UGT1A3: variants seen among roughly 807,000 people sequenced by gnomAD.
UGT1A3 encodes UDP glucuronosyltransferase family 1 member A3, also known as UDP-glucuronosyltransferase 1A3.
In UGT1A3, 31 loss-of-function variants were observed where a neutral mutation model predicts 41.0. The ratio of observed to expected loss-of-function variants is 0.76; its 90% CI spans 0.57 to 1.02. UGT1A3 has a LOEUF of 1.02. UGT1A3 is among the 50% of genes least tolerant of loss of function. The probability of loss-of-function intolerance (pLI) is 0.00; values close to 1 mark genes in which losing one functional copy is unlikely to be tolerated. For missense variants in UGT1A3, 737 were observed against 671.0 expected (o/e 1.10, Z -1.09); for synonymous variants, 262 against 257.6 (o/e 1.02, Z -0.17).
At position 233,729,686 on chromosome 2, in the gene UGT1A3, G is replaced by A. The variant is rs1336517970; in HGVS notation, c.560G>A (p.Cys187Tyr). 2 of 1,613,912 alleles carry A rather than the reference G, an allele frequency of 1.2e-6. No individual in the cohort carries two copies. Among genetic ancestry groups the A allele is most frequent in the Admixed American group, 1.7e-5 (1 of 60,008 alleles). ...PCDLDFKGTQ[C>Y]PNPSSYIPRL... Reference sequence around the variant, plus strand: ...GATTTAGACTTTAAGGGCACACAGTGTCCAAACCCTTCCTCCTATATTCCT... The same window carrying A: ...GATTTAGACTTTAAGGGCACACAGTATCCAAACCCTTCCTCCTATATTCCT... The change falls in exon 1 of 5, where the codon TGT becomes TAT. Residue 187 changes from cysteine to tyrosine, a missense_variant. Physicochemically the swap from Cys to Tyr is radical, Grantham distance 194. Coordinates refer to ENST00000482026, the MANE Select transcript of UGT1A3 (RefSeq NM_019093.4).
chr2:233,756,501 T>C (rs1696241019), intron 1 of UGT1A3: 1 of 152,186 alleles, frequency 6.6e-6, no homozygotes, highest in Non-Finnish European at 1.5e-5. Flanking sequence ...CCCAAGTATA[T>C]GGAGGGTCAA....
intron 4 of UGT1A3, among the ~76,000 whole-genome samples, chr2:233,768,962 ATAATT>A (rs753324015): frequency 2.0e-5 from 3 of 152,200 alleles, no homozygotes; most frequent in Non-Finnish European, 4.4e-5. Flanking sequence ...AATTTATCAT[ATAATT>A]TATTTAGAAT....
chr2:233,742,497 T>C (rs1691999391), intron 1 of UGT1A3, among the ~76,000 whole-genome samples: 1 of 151,968 alleles, frequency 6.6e-6, no homozygotes, highest in Non-Finnish European at 1.5e-5. Flanking sequence ...ATAGGCATCA[T>C]GGCTATCATG....
chr2:233,743,938 A>T (rs754327674), intron 1 of UGT1A3: 2 of 1,356,166 alleles, frequency 1.5e-6, no homozygotes, highest in Admixed American at 1.9e-5. Context: ...AGAACGGCCC[A>T]CCAGGCACTG....
rs72551340 is a variant in UGT1A3, at chr2:233,760,509, C to A, written c.868-6525C>A. 17 of 1,614,154 alleles carry A rather than the reference C, an allele frequency of 1.1e-5. No homozygotes were observed. Among genetic ancestry groups the A allele is most frequent in the Non-Finnish European group, 4.2e-6 (5 of 1,180,060 alleles). ...TGTACATCAGAGACGGAGCATTTTA[C>A]ACCTTGAAGACGTACCCTGTGCCAT... is the stretch of plus-strand genomic sequence containing the variant. On this transcript the variant is annotated intron_variant, in intron 1 of 4. Transcript: ENST00000482026.
intron 1 of UGT1A3, chr2:233,761,093 T>G: frequency 6.2e-7 from 1 of 1,614,222 alleles, no homozygotes; most frequent in Non-Finnish European, 8.5e-7. Flanking sequence ...AGGCCCATCA[T>G]GCCCAATATG....
Position 233,731,284 on chromosome 2 carries a change from C to CTT in UGT1A3, c.867+1304_867+1305dup, listed in dbSNP as rs78127606. 2.2e-3 allele frequency among the ~76,000 whole-genome samples: 301 copies of CTT among 139,786 alleles called. 4 individuals are homozygous for CTT. Among genetic ancestry groups the CTT allele is most frequent in the African/African-American group, 6.8e-3 (261 of 38,534 alleles). 91.7% of individuals were successfully genotyped at this position (139,786 alleles called of 152,430 possible). A position where few individuals can be genotyped will look rare whatever the true frequency, so the allele number is the denominator to read the frequency against. On this transcript the variant is annotated intron_variant, in intron 1 of 4. Coordinates refer to ENST00000482026, the MANE Select transcript of UGT1A3 (RefSeq NM_019093.4). The stretch of plus-strand genomic sequence containing the variant: ...ACTGTTGCCCTTCCAGTTTTTCTTT[C>CTT]TTTTTTTTTTTTTTATTATACTTTA...
intron 4 of UGT1A3, 143 bp downstream of exon 4, chr2:233,768,582 CTTTTTTTTTTTT>C (rs139595073): frequency 1.3e-5 from 13 of 1,033,070 alleles, no homozygotes; most frequent in Admixed American, 4.7e-5. Context: ...TTTATTTCTT[CTTTTTTTTTTTT>C]TTTTTTTTTT....
chr2:233,747,477 T>G lies in UGT1A3; in HGVS notation c.867+17484T>G, dbSNP rs1368203969. 4 of 1,608,578 alleles carry G rather than the reference T, an allele frequency of 2.5e-6. No homozygotes were observed. In the Admixed American group the frequency reaches 6.7e-5, roughly 27 times the overall value. Reference sequence around the variant, plus strand: ...TGCCATTTCATGGACCCAGGATGAATTTGATCGCCTTGTGCTGGGCCACAC... The same window carrying G: ...TGCCATTTCATGGACCCAGGATGAAGTTGATCGCCTTGTGCTGGGCCACAC... On this transcript the variant is annotated intron_variant, in intron 1 of 4. Transcript: ENST00000482026.
At position 233,756,026 on chromosome 2, in the gene UGT1A3, C is replaced by A. The variant is rs573577160; in HGVS notation, c.868-11008C>A. The stretch of plus-strand genomic sequence containing the variant: ...TATCTATTGTGATATTACACATCCC[C>A]CATGTAGCTTCTGGAAAACTCCACT... On this transcript the variant is annotated intron_variant, in intron 1 of 4. Transcript: ENST00000482026. 66 of 152,322 alleles carry A rather than the reference C, an allele frequency of 4.3e-4. 1 individual carries two copies. The highest frequency in any genetic ancestry group is 1.5e-3 in the African/African-American group (63 of 41,570). The allele number at this position is 152,322 out of a possible 1,614,324, so 9.4% of individuals were successfully genotyped here. A position where few individuals can be genotyped will look rare whatever the true frequency, so the allele number is the denominator to read the frequency against.
At chr2:233,732,944 A>G (rs2078339479) in intron 1 of UGT1A3, among the ~76,000 whole-genome samples, 2 of 152,256 alleles carry the variant, frequency 1.3e-5, no homozygotes, top group Admixed American at 1.3e-4. Flanking sequence ...ATCCATGAGC[A>G]TGGAATGTTC....
intron 1 of UGT1A3, chr2:233,760,240 A>G (rs749913707): frequency 1.2e-6 from 2 of 1,607,210 alleles, no homozygotes; most frequent in South Asian, 2.2e-5. Context: ...TGCCATATAT[A>G]TATATATAAG....
chr2:233,746,855 T>A (rs1362666040), intron 1 of UGT1A3, among the ~76,000 whole-genome samples: 2 of 151,774 alleles, frequency 1.3e-5, no homozygotes, highest in Non-Finnish European at 2.9e-5. Flanking sequence ...AGACCTCAGC[T>A]GCAGCCTGAT....
chr2:233,737,458 C>G (rs1404187897), intron 1 of UGT1A3, among the ~76,000 whole-genome samples: 1 of 152,216 alleles, frequency 6.6e-6, no homozygotes, highest in Non-Finnish European at 1.5e-5. Context: ...CAGGTACAGT[C>G]TGTCATGGCT....
At chr2:233,747,462 T>G (rs1386153404) in intron 1 of UGT1A3, 32 of 1,608,940 alleles carry the variant, frequency 2.0e-5, no homozygotes, top group Non-Finnish European at 1.7e-5. Flanking sequence ...TGCCATTTCA[T>G]GGACCCAGGA....
intron 1 of UGT1A3, among the ~76,000 whole-genome samples, chr2:233,739,944 C>A (rs937638963): frequency 6.6e-6 from 1 of 151,864 alleles, no homozygotes; most frequent in Non-Finnish European, 1.5e-5. Context: ...AGGTTGGTAC[C>A]TGGTGGGAGC....
In UGT1A3 at chr2:233,769,706, T is replaced by G; in HGVS notation, c.1307+1267T>G. On this transcript the variant is annotated intron_variant, in intron 4 of 4. Transcript: ENST00000482026. The surrounding 1 kb of genome is among the most constrained non-coding windows in gnomAD (Gnocchi z 4.4). ...GGTGGCACTGGATAAAAGATCAATG[T>G]TGGCTAGGCACCATGGCACACGCCT... 6.6e-7 allele frequency: 1 copy of G among 1,515,112 alleles called. No homozygotes were observed. 93.9% of individuals were successfully genotyped at this position (1,515,112 alleles called of 1,614,324 possible).
chr2:233,732,449 C>T (rs1329295368), intron 1 of UGT1A3, among the ~76,000 whole-genome samples: 2 of 152,220 alleles, frequency 1.3e-5, no homozygotes, highest in Admixed American at 1.3e-4. Flanking sequence ...TTAGGTCTAA[C>T]ATTTGAGTCT....
At chr2:233,747,423 CAA>C (rs113576188) in intron 1 of UGT1A3, 84,087 of 1,608,036 alleles carry the variant, frequency 0.052, 2,713 homozygotes, top group Non-Finnish European at 0.063. Context: ...GCACATCAAA[CAA>C]GAGAAATTTT....
Sources: allele counts gnomAD v4.1 joint callset (sites outside exome capture counted in the v4.1 genomes callset), GRCh38; gene constraint gnomAD v4.1.1; non-coding constraint Gnocchi (gnomAD v3.1); transcripts MANE v1.5; gene names NCBI Gene and HGNC (gene_info 2026-07-23, HGNC 2026-07-21).